The following TMEM108 variants were observed in gnomAD, a reference collection of about 807,000 sequenced individuals.
The protein encoded by TMEM108 is cancer/testis antigen 124.
TMEM108 carries 12 observed loss-of-function variants against 35.1 expected under a neutral mutation model. The observed-to-expected ratio is 0.34, with a 90% CI of 0.22 to 0.55. The LOEUF (loss-of-function observed/expected upper bound fraction) is 0.55. Ranked by LOEUF, TMEM108 falls within the 20% of genes least tolerant of loss-of-function variation. TMEM108 has a pLI of 0.89. For synonymous variants in TMEM108, 287 were observed against 308.6 expected (o/e 0.93, Z 0.73); for missense variants, 680 against 753.3 (o/e 0.90, Z 1.14).
intron 2 of TMEM108, among the ~76,000 whole-genome samples, chr3:133,108,768 A>G (rs1944189922): frequency 1.4e-5 from 2 of 147,390 alleles, no homozygotes; most frequent in Admixed American, 1.4e-4. Flanking sequence ...GTTCTCACTC[A>G]TAGGTGGGAA....
chr3:133,232,888 T>C (rs1946174344), intron 3 of TMEM108, among the ~76,000 whole-genome samples: 1 of 152,210 alleles, frequency 6.6e-6, no homozygotes, highest in Admixed American at 6.5e-5. Context: ...AGAGCCTTTA[T>C]GGTTATATAA....
At chr3:133,245,881 G>T (rs1258590219) in intron 3 of TMEM108, among the ~76,000 whole-genome samples, 1 of 151,724 alleles carries the variant, frequency 6.6e-6, no homozygotes, top group Admixed American at 6.6e-5. Flanking sequence ...AATAATATTT[G>T]TATTTAAACC....
chr3:133,222,557 T>G (rs572792701), intron 2 of TMEM108, among the ~76,000 whole-genome samples: 5 of 152,196 alleles, frequency 3.3e-5, no homozygotes, highest in African/African-American at 9.6e-5. Flanking sequence ...ATAAGCTCTC[T>G]TCATTCCTTT....
At chr3:133,243,191 C>T (rs1946337006) in intron 3 of TMEM108, among the ~76,000 whole-genome samples, 1 of 152,078 alleles carries the variant, frequency 6.6e-6, no homozygotes, top group South Asian at 2.1e-4. Context: ...GAGGTAGGGA[C>T]AGCCCCTGAG....
chr3:133,362,206 C>T (rs535432429), intron 3 of TMEM108, among the ~76,000 whole-genome samples: 6 of 152,252 alleles, frequency 3.9e-5, no homozygotes, highest in Admixed American at 6.5e-5. Context: ...CAACATAATT[C>T]GCTGTGCATG....
chr3:133,200,109 G>A (rs369612675), intron 2 of TMEM108, among the ~76,000 whole-genome samples: 9 of 152,144 alleles, frequency 5.9e-5, no homozygotes, highest in African/African-American at 1.2e-4. Context: ...TGCTAAGACC[G>A]TTGGAAAAGC....
intron 2 of TMEM108, among the ~76,000 whole-genome samples, chr3:133,058,417 G>A (rs568590351): frequency 6.6e-6 from 1 of 152,348 alleles, no homozygotes; most frequent in East Asian, 1.9e-4. Flanking sequence ...AGCCTCAGAC[G>A]GGAGCTCACC....
At chr3:133,368,264 C>T (rs564473007) in intron 3 of TMEM108, among the ~76,000 whole-genome samples, 1 of 152,158 alleles carries the variant, frequency 6.6e-6, no homozygotes, top group Non-Finnish European at 1.5e-5. Context: ...TAGCTGCCCC[C>T]CTAACAAAAA....
At chr3:133,259,049 G>C (rs150717169) in intron 3 of TMEM108, among the ~76,000 whole-genome samples, 1,636 of 152,166 alleles carry the variant, frequency 0.011, 16 homozygotes, top group Middle Eastern at 0.02. Flanking sequence ...TTAAATATAG[G>C]GTAGCAAGTC....
At chr3:133,212,281 T>A (rs771716638) in intron 2 of TMEM108, among the ~76,000 whole-genome samples, 7 of 152,196 alleles carry the variant, frequency 4.6e-5, no homozygotes, top group African/African-American at 1.2e-4. Flanking sequence ...CATCTAAATA[T>A]CCGGATTTCT....
chr3:133,226,750 T>C (rs757940581), intron 2 of TMEM108, among the ~76,000 whole-genome samples: 1 of 152,110 alleles, frequency 6.6e-6, no homozygotes, highest in Non-Finnish European at 1.5e-5. Context: ...ATATTTAGAA[T>C]ATAATAAATG....
At chr3:133,083,687 C>T (rs1943843936) in intron 2 of TMEM108, among the ~76,000 whole-genome samples, 1 of 152,118 alleles carries the variant, frequency 6.6e-6, no homozygotes, top group Admixed American at 6.5e-5. Context: ...ACCCTGAGGA[C>T]ATTCCAAAGA....
At chr3:133,125,731 C>T (rs1353704526) in intron 2 of TMEM108, among the ~76,000 whole-genome samples, 8 of 152,110 alleles carry the variant, frequency 5.3e-5, no homozygotes, top group Non-Finnish European at 8.8e-5. Context: ...ATAAATTTAT[C>T]ATTTGCCATA....
At chr3:133,061,596 T>G (rs565193406) in intron 2 of TMEM108, among the ~76,000 whole-genome samples, 1 of 152,332 alleles carries the variant, frequency 6.6e-6, no homozygotes, top group South Asian at 2.1e-4. Flanking sequence ...ATCGTCTAAT[T>G]AAGTCAGAGT....
chr3:133,340,509 T>G (rs2071629208), intron 3 of TMEM108, among the ~76,000 whole-genome samples: 1 of 151,706 alleles, frequency 6.6e-6, no homozygotes, highest in Admixed American at 6.6e-5. Flanking sequence ...CTAATACCAA[T>G]TCTACTCAAA....
chr3:133,228,881 G>T (rs1043796461), intron 2 of TMEM108, among the ~76,000 whole-genome samples: 1 of 152,016 alleles, frequency 6.6e-6, no homozygotes, highest in Non-Finnish European at 1.5e-5. Context: ...CTTGTTTTTT[G>T]TTTGTTTTAT....
chr3:133,134,064 A>G (rs574393927), intron 2 of TMEM108, among the ~76,000 whole-genome samples: 1 of 152,056 alleles, frequency 6.6e-6, no homozygotes, highest in African/African-American at 2.4e-5. Context: ...TCCCTGCCTC[A>G]GAGTTTTCTT....
rs575603266 is a variant in TMEM108 at position 133,338,278 on chromosome 3, C to T, written c.41-41474C>T. Among the ~76,000 whole-genome samples, 18 of 151,898 alleles carry T rather than the reference C, an allele frequency of 1.2e-4. No individual in the cohort carries two copies. The South Asian group carries it at 2.5e-3, about 21-fold the overall frequency. On this transcript the variant is annotated intron_variant, in intron 3 of 5. Coordinates refer to ENST00000321871, the MANE Select transcript of TMEM108 (RefSeq NM_023943.4). ...GGCATTTAATAATTAAACTCCCAAA[C>T]GTCAAGGATAAAGAAAGGATGCTAA...
At chr3:133,116,178 A>G (rs992298561) in intron 2 of TMEM108, among the ~76,000 whole-genome samples, 3 of 152,192 alleles carry the variant, frequency 2.0e-5, no homozygotes, top group Non-Finnish European at 4.4e-5. Context: ...CCATTTGTAA[A>G]TTGCTCATTT....
Sources: gnomAD v4.1 joint callset for allele counts (sites outside exome capture counted in the v4.1 genomes callset) on GRCh38, gnomAD v4.1.1 for gene constraint, MANE v1.5 for transcripts, NCBI Gene and HGNC (gene_info 2026-07-23, HGNC 2026-07-21) for gene names.